ASIC5: variants seen among roughly 807,000 people sequenced by gnomAD.
ASIC5 encodes the protein bile acid-sensitive ion channel.
A neutral mutation model predicts 51.2 loss-of-function variants in ASIC5; 52 were observed. That is an observed-to-expected ratio of 1.02 (90% CI 0.81 to 1.28). ASIC5 has a LOEUF of 1.28. ASIC5 is among the 50% of genes most tolerant of loss of function. The pLI is 0.00. For synonymous variants in ASIC5, 231 were observed against 200.7 expected (o/e 1.15, Z -1.28); for missense variants, 635 against 595.0 (o/e 1.07, Z -0.70).
At chr4:155,861,899 T>C (rs1026042690) in intron 2 of ASIC5, among the ~76,000 whole-genome samples, 1 of 152,228 alleles carries the variant, frequency 6.6e-6, no homozygotes, top group African/African-American at 2.4e-5. Flanking sequence ...CCTCAACTTA[T>C]GTAATTATAT....
rs116688266 is a variant in ASIC5, at chr4:155,861,898, A to C, written c.347+1550T>G. On this transcript the variant is annotated intron_variant, in intron 2 of 9. Transcript: ENST00000537611. ...TCCTAGTGCAGTATAACCTCAACTT[A>C]TGTAATTATATTTGTAATGACCCAA... is the stretch of plus-strand genomic sequence containing the variant. Among the ~76,000 whole-genome samples the C allele has an allele frequency of 3.7e-3, 567 of 152,124 alleles. 5 individuals are homozygous for C. The highest frequency in any genetic ancestry group is 0.013 in the African/African-American group (545 of 41,526).
At chr4:155,842,677 A>T (rs1310172317) in intron 5 of ASIC5, among the ~76,000 whole-genome samples, 2 of 152,138 alleles carry the variant, frequency 1.3e-5, no homozygotes, top group Admixed American at 6.6e-5. Flanking sequence ...CACCTACAAA[A>T]CAGTGAAGAA....
chr4:155,848,525 A>G (rs1330366224), intron 4 of ASIC5, among the ~76,000 whole-genome samples: 2 of 152,084 alleles, frequency 1.3e-5, no homozygotes, highest in African/African-American at 2.4e-5. Context: ...ATCAATAATA[A>G]TAATAATTGT....
chr4:155,848,049 A>T (rs190581046), intron 4 of ASIC5, among the ~76,000 whole-genome samples: 2 of 152,242 alleles, frequency 1.3e-5, no homozygotes, highest in East Asian at 3.9e-4. Flanking sequence ...TAAATTTTAT[A>T]GATTGTTTAC....
intron 8 of ASIC5, among the ~76,000 whole-genome samples, chr4:155,832,896 A>T (rs1490165088): frequency 6.6e-6 from 1 of 151,916 alleles, no homozygotes; most frequent in Non-Finnish European, 1.5e-5. Context: ...AGTGCACCCC[A>T]CTTCAACAAA....
At chr4:155,836,039 A>C (rs955082300) in intron 8 of ASIC5, among the ~76,000 whole-genome samples, 3 of 152,218 alleles carry the variant, frequency 2.0e-5, no homozygotes, top group Non-Finnish European at 4.4e-5. Flanking sequence ...ACAAAGAGAA[A>C]TGCTAATGTT....
chr4:155,845,674 T>C (rs1293509752), intron 4 of ASIC5, among the ~76,000 whole-genome samples: 1 of 152,090 alleles, frequency 6.6e-6, no homozygotes, highest in Admixed American at 6.6e-5. Flanking sequence ...GTAGTCCCTA[T>C]CTAAATAAGA....
intron 3 of ASIC5, 116 bp downstream of exon 3, chr4:155,853,961 G>A (rs1010410365): frequency 3.1e-5 from 24 of 769,264 alleles, no homozygotes; most frequent in Non-Finnish European, 4.9e-5. Context: ...AATAGAATCT[G>A]TAAGCAAATT....
intron 9 of ASIC5, among the ~76,000 whole-genome samples, chr4:155,830,626 A>C (rs1285793619): frequency 1.3e-5 from 2 of 152,218 alleles, no homozygotes; most frequent in East Asian, 3.8e-4. Flanking sequence ...AACCATTTTT[A>C]AGTATACAGT....
intron 6 of ASIC5, among the ~76,000 whole-genome samples, chr4:155,841,569 G>A (rs1429417950): frequency 1.3e-5 from 2 of 152,114 alleles, no homozygotes; most frequent in Non-Finnish European, 2.9e-5. Context: ...CATGGTTCTG[G>A]AAAAGTTGCA....
chr4:155,853,987 T>G lies in ASIC5; in HGVS notation c.585+90A>C, dbSNP rs1307105024. On this transcript the variant is annotated intron_variant, in intron 3 of 9. Transcript: ENST00000537611. ...TAAGCAAATTTGGATTGATTCACCATGGGAGTAAATGCCGTGGGAGCTCAA... is the reference window on the plus strand; with the variant it reads ...TAAGCAAATTTGGATTGATTCACCAGGGGAGTAAATGCCGTGGGAGCTCAA... 4.2e-6 allele frequency: 4 copies of G among 960,598 alleles called. No homozygotes were observed. The South Asian group carries it at 6.2e-5, about 15-fold the overall frequency. 59.5% of individuals were successfully genotyped at this position (960,598 alleles called of 1,614,324 possible). A position where few individuals can be genotyped will look rare whatever the true frequency, so the allele number is the denominator to read the frequency against.
Position 155,839,127 on chromosome 4 carries a change from T to G in ASIC5, c.1010-258A>C, listed in dbSNP as rs192559670. 2.6e-5 allele frequency among the ~76,000 whole-genome samples: 4 copies of G among 152,276 alleles called. No individual in the cohort carries two copies. The East Asian group carries it at 7.7e-4, about 29-fold the overall frequency. On this transcript the variant is annotated intron_variant, in intron 6 of 9. Transcript: ENST00000537611. ...TCTGTCTATATCACTCTAAAATCTT[T>G]AAGCGGGAATAATAATTTTCAAATG...
intron 9 of ASIC5, 148 bp downstream of exon 9, chr4:155,831,676 C>T: frequency 2.2e-6 from 1 of 454,874 alleles, no homozygotes; most frequent in Non-Finnish European, 4.0e-6. Context: ...GAGGCTGAGG[C>T]AGGAGAATGG....
At position 155,843,757 on chromosome 4, in the gene ASIC5, T is replaced by G; in HGVS notation, c.785A>C (p.Lys262Thr). The G allele has an allele frequency of 6.2e-7, 1 of 1,613,738 alleles. No individual in the cohort carries two copies. The highest frequency in any genetic ancestry group is 8.5e-7 in the Non-Finnish European group (1 of 1,179,738). The change falls in exon 5 of 10, where the codon AAG becomes ACG. Residue 262 changes from lysine to threonine, a missense_variant. Transcript: ENST00000537611. ...GCCTAACCCATCAAACTGTGGCACC[T>G]TCTTTGGTGAATGGATAACAAAGAT... ...GIIFVIHSPK[K>T]VPQFDGLGLL...
chr4:155,863,350 G>T, intron 2 of ASIC5, 98 bp downstream of exon 2: 1 of 970,356 alleles, frequency 1.0e-6, no homozygotes, highest in Non-Finnish European at 1.5e-6. Context: ...TTTTACATAT[G>T]ATAAGTTCCA....
At position 155,847,657 on chromosome 4, in the gene ASIC5, A is replaced by G. The variant is rs528247609; in HGVS notation, c.712-3827T>C. The stretch of plus-strand genomic sequence containing the variant: ...GAATCACTTGAACCCAGTCAGCGGA[A>G]GTTGCAGTGAGCCAAGATCATGTCA... On this transcript the variant is annotated intron_variant, in intron 4 of 9. Coordinates refer to ENST00000537611, the MANE Select transcript of ASIC5 (RefSeq NM_017419.3). 3.9e-5 allele frequency among the ~76,000 whole-genome samples: 6 copies of G among 152,110 alleles called. No homozygotes were observed. In the East Asian group the frequency reaches 9.7e-4, roughly 25 times the overall value.
chr4:155,853,847 A>T (rs1467743093), intron 3 of ASIC5, among the ~76,000 whole-genome samples: 1 of 151,930 alleles, frequency 6.6e-6, no homozygotes, highest in Non-Finnish European at 1.5e-5. Flanking sequence ...CAAGAAAGGC[A>T]ATCAAGTTTT....
At chr4:155,864,855 A>C (rs1295194009) in intron 1 of ASIC5, 1 of 152,124 alleles carries the variant, frequency 6.6e-6, no homozygotes, top group Non-Finnish European at 1.5e-5. Context: ...AAGCTTTAAA[A>C]GTATCTTAAA....
chr4:155,838,974 A>G, intron 6 of ASIC5, 105 bp from the exon 7 acceptor site: 3 of 624,530 alleles, frequency 4.8e-6, no homozygotes. Context: ...CCATTCATCC[A>G]CCCACCCATT....
Sources: gnomAD v4.1 joint callset for allele counts (sites outside exome capture counted in the v4.1 genomes callset) on GRCh38, gnomAD v4.1.1 for gene constraint, MANE v1.5 for transcripts, NCBI Gene and HGNC (gene_info 2026-07-23, HGNC 2026-07-21) for gene names.